The following RBPJ variants were observed in gnomAD, a reference collection of about 807,000 sequenced individuals.
RBPJ encodes recombining binding protein suppressor of hairless.
Under a neutral mutation model 67.8 loss-of-function variants are expected in RBPJ, and 9 were observed. The ratio of observed to expected loss-of-function variants is 0.13; its 90% CI spans 0.08 to 0.23. The LOEUF (loss-of-function observed/expected upper bound fraction) is 0.23. Among genes scored for constraint, RBPJ ranks in the 10% least tolerant of loss-of-function variants. The pLI is 1.00. For missense variants in RBPJ, 305 were observed against 595.6 expected, an observed-to-expected ratio of 0.51 and a Z score of 5.08; for synonymous variants, 198 against 203.3, an observed-to-expected ratio of 0.97 and a Z score of 0.22.
chr4:26,434,213 G>C lies in RBPJ; in HGVS notation c.*3206G>C, dbSNP rs1736479052. ...TACATGACTTAATCGTGAAATGTTTGTCACTCTTACTGCACAGACTTATCT... is the reference window on the plus strand; with the variant it reads ...TACATGACTTAATCGTGAAATGTTTCTCACTCTTACTGCACAGACTTATCT... On this transcript the variant is annotated 3_prime_UTR_variant, in exon 11 of 11. Coordinates refer to ENST00000355476, the MANE Select transcript of RBPJ (RefSeq NM_015874.6). 1 of 152,198 alleles carries C rather than the reference G, an allele frequency of 6.6e-6. No homozygotes were observed. The allele number at this position is 152,198 out of a possible 1,614,324, so 9.4% of individuals were successfully genotyped here.
chr4:26,317,588 G>A (rs1035335977), upstream of RBPJ, among the ~76,000 whole-genome samples: 1 of 152,320 alleles, frequency 6.6e-6, no homozygotes, highest in East Asian at 1.9e-4. Context: ...AAGAACGGAA[G>A]AAGGGAGGAC....
chr4:26,344,993 T>A (rs1400577486), intron 1 of RBPJ, among the ~76,000 whole-genome samples: 6 of 152,230 alleles, frequency 3.9e-5, no homozygotes, highest in African/African-American at 9.6e-5. Context: ...ATTTAAAAAA[T>A]TTTGTTAAAT....
At chr4:26,407,055 T>G (rs939427109) in intron 3 of RBPJ, among the ~76,000 whole-genome samples, 2 of 152,236 alleles carry the variant, frequency 1.3e-5, no homozygotes, top group African/African-American at 2.4e-5. Flanking sequence ...TCCCTGATCT[T>G]ACAAAATGAA....
upstream of RBPJ, among the ~76,000 whole-genome samples, chr4:26,316,673 C>CATTGTGT (rs1722652347): frequency 2.4e-5 from 3 of 127,134 alleles, no homozygotes; most frequent in Non-Finnish European, 5.1e-5. Flanking sequence ...TATATATACA[C>CATTGTGT]ATATATATAT....
At chr4:26,253,421 C>G (rs1372882804) in intron 1 of RBPJ, among the ~76,000 whole-genome samples, 1 of 146,736 alleles carries the variant, frequency 6.8e-6, no homozygotes, top group Non-Finnish European at 1.5e-5. Flanking sequence ...ACGCCATTCT[C>G]CTAGCTCAGC....
chr4:26,158,047 G>A, the RBPJ span, among the ~76,000 whole-genome samples: 3 of 152,204 alleles, frequency 2.0e-5, no homozygotes, highest in African/African-American at 7.2e-5. Context: ...AAGTAAAATG[G>A]TTGTTGTTTA....
chr4:26,403,288 C>G (rs966637348), intron 2 of RBPJ, among the ~76,000 whole-genome samples: 3 of 150,952 alleles, frequency 2.0e-5, no homozygotes, highest in African/African-American at 4.9e-5. Context: ...TTTTACTACA[C>G]GCTACCACTT....
In RBPJ at chr4:26,255,336, G is replaced by A. The variant is rs1331610721; in HGVS notation, c.-167+91722G>A. On this transcript the variant is annotated intron_variant, in intron 1 of 4. Coordinates refer to the RBPJ transcript ENST00000512351. Reference sequence around the variant, plus strand: ...GGAGAATGGCGTGAACCCAGGAGGCGGAGCTTGCAGTGAGCCGAGATCGCG... The same window carrying A: ...GGAGAATGGCGTGAACCCAGGAGGCAGAGCTTGCAGTGAGCCGAGATCGCG... Among the ~76,000 whole-genome samples the A allele has an allele frequency of 8.8e-4, 99 of 112,732 alleles. 1 individual carries two copies. Among genetic ancestry groups the A allele is most frequent in the African/African-American group, 1.2e-3 (28 of 23,748 alleles). 74.0% of individuals were successfully genotyped at this position (112,732 alleles called of 152,430 possible).
chr4:26,419,549 G>C (rs1734921115), intron 4 of RBPJ, among the ~76,000 whole-genome samples: 1 of 152,128 alleles, frequency 6.6e-6, no homozygotes, highest in African/African-American at 2.4e-5. Flanking sequence ...CATTTGCTCT[G>C]CTTTTTAAAA....
upstream of RBPJ, among the ~76,000 whole-genome samples, chr4:26,160,659 A>C (rs1716061269): frequency 6.6e-6 from 1 of 152,198 alleles, no homozygotes; most frequent in Non-Finnish European, 1.5e-5. Flanking sequence ...AGGTTGATGG[A>C]GAAGCTATCA....
At chr4:26,128,157 G>A in the RBPJ span, among the ~76,000 whole-genome samples, 1 of 152,214 alleles carries the variant, frequency 6.6e-6, no homozygotes, top group African/African-American at 2.4e-5. Context: ...GCTGGGCCTT[G>A]GGAAGGCAGG....
At chr4:26,281,777 T>C (rs578111687) in intron 1 of RBPJ, among the ~76,000 whole-genome samples, 37 of 152,344 alleles carry the variant, frequency 2.4e-4, no homozygotes, top group African/African-American at 7.7e-4. Flanking sequence ...CTTTCCCCCA[T>C]TTACAATGAG....
At chr4:26,275,164 G>C in intron 1 of RBPJ, among the ~76,000 whole-genome samples, 1 of 152,122 alleles carries the variant, frequency 6.6e-6, no homozygotes, top group Non-Finnish European at 1.5e-5. Flanking sequence ...ACTTACCCAA[G>C]GTCACACAGA....
At chr4:26,113,367 T>C in the RBPJ span, 1 of 542,898 alleles carries the variant, frequency 1.8e-6, no homozygotes, top group East Asian at 3.9e-5. Flanking sequence ...AAGTCAAACT[T>C]CACTCAGCTT....
intron 3 of RBPJ, among the ~76,000 whole-genome samples, chr4:26,414,272 T>G (rs954017049): frequency 1.3e-5 from 2 of 152,094 alleles, no homozygotes; most frequent in Non-Finnish European, 2.9e-5. Flanking sequence ...CAGGCTTAGT[T>G]GGTCCTCCCA....
At chr4:26,403,796 T>G (rs2109733263) in intron 2 of RBPJ, among the ~76,000 whole-genome samples, 1 of 152,262 alleles carries the variant, frequency 6.6e-6, no homozygotes, top group East Asian at 1.9e-4. Context: ...TGATGGGCAT[T>G]TATGTTGATT....
At position 26,431,198 on chromosome 4, in the gene RBPJ, A is replaced by AG. The variant is rs1736196709; in HGVS notation, c.*191_*192insG. On this transcript the variant is annotated 3_prime_UTR_variant, in exon 11 of 11. Coordinates refer to ENST00000355476, the MANE Select transcript of RBPJ (RefSeq NM_015874.6). Reference sequence around the variant, plus strand: ...AGAAGCCACAGTAAAAAAAAAAAAAAAAAAAAAAAAAAAGAAAAAAAAATC... The same window carrying AG: ...AGAAGCCACAGTAAAAAAAAAAAAAAGAAAAAAAAAAAAAGAAAAAAAAATC... The AG allele has an allele frequency of 2.5e-6, 1 of 400,974 alleles. No homozygotes were observed. Among genetic ancestry groups the AG allele is most frequent in the Non-Finnish European group, 4.4e-6 (1 of 228,296 alleles). 24.8% of individuals were successfully genotyped at this position (400,974 alleles called of 1,614,324 possible). A position where few individuals can be genotyped will look rare whatever the true frequency, so the allele number is the denominator to read the frequency against.
chr4:26,198,210 C>T (rs569746833), intron 1 of RBPJ, among the ~76,000 whole-genome samples: 110 of 151,874 alleles, frequency 7.2e-4, no homozygotes, highest in African/African-American at 2.4e-3. Flanking sequence ...GCTGAGATCG[C>T]GCCATTGCAC....
chr4:26,114,232 G>A, the RBPJ span, among the ~76,000 whole-genome samples: 1 of 152,116 alleles, frequency 6.6e-6, no homozygotes, highest in Non-Finnish European at 1.5e-5. Flanking sequence ...GCCGAGGCAG[G>A]TGGATCACCT....
Sources: allele counts gnomAD v4.1 joint callset (sites outside exome capture counted in the v4.1 genomes callset), GRCh38; gene constraint gnomAD v4.1.1; transcripts MANE v1.5; gene names NCBI Gene and HGNC (gene_info 2026-07-23, HGNC 2026-07-21).